LPP: variants seen among roughly 807,000 people sequenced by gnomAD.
LPP encodes the protein lipoma-preferred partner.
In LPP, 38 loss-of-function variants were observed where a neutral mutation model predicts 60.4. That is an observed-to-expected ratio of 0.63 (90% CI 0.49 to 0.83). The LOEUF (loss-of-function observed/expected upper bound fraction) is 0.83, where lower values mean the gene tolerates loss of function less well. Ranked by LOEUF, LPP falls within the 40% of genes least tolerant of loss-of-function variation. The probability of loss-of-function intolerance (pLI) is 0.00; values close to 1 mark genes in which losing one functional copy is unlikely to be tolerated. For missense variants in LPP, 902 were observed against 783.6 expected (o/e 1.15, Z -1.80); for synonymous variants, 328 against 290.8 (o/e 1.13, Z -1.30).
At chr3:188,829,606 G>A (rs1336939650) in intron 9 of LPP, among the ~76,000 whole-genome samples, 2 of 152,152 alleles carry the variant, frequency 1.3e-5, no homozygotes, top group South Asian at 4.1e-4. Context: ...TACTAATAAG[G>A]AATCAGAAGC....
At chr3:188,736,527 C>A (rs902747457) in intron 8 of LPP, among the ~76,000 whole-genome samples, 2 of 151,996 alleles carry the variant, frequency 1.3e-5, no homozygotes, top group Non-Finnish European at 1.5e-5. Context: ...GGAAAAGAAA[C>A]TACTGTCATT....
chr3:188,439,551 A>T (rs1335232063), intron 4 of LPP, among the ~76,000 whole-genome samples: 1 of 152,216 alleles, frequency 6.6e-6, no homozygotes, highest in East Asian at 1.9e-4. Context: ...TGGCACTCAG[A>T]TTTGCAAAGT....
intron 7 of LPP, among the ~76,000 whole-genome samples, chr3:188,691,434 T>A (rs1377947586): frequency 6.6e-6 from 1 of 152,188 alleles, no homozygotes; most frequent in African/African-American, 2.4e-5. Context: ...ATGAAATACA[T>A]CTGAAGCATT....
chr3:188,852,388 A>G (rs1221451938), intron 9 of LPP, among the ~76,000 whole-genome samples: 1 of 152,134 alleles, frequency 6.6e-6, no homozygotes, highest in Non-Finnish European at 1.5e-5. Context: ...AACTTCTTAC[A>G]TGGTAACTGC....
chr3:188,566,827 G>T (rs1832287390), intron 6 of LPP, among the ~76,000 whole-genome samples: 1 of 151,650 alleles, frequency 6.6e-6, no homozygotes. Context: ...GGTGGAGAAG[G>T]GGAGTAAGGA....
At chr3:188,728,240 A>G (rs962588533) in intron 8 of LPP, among the ~76,000 whole-genome samples, 1 of 152,224 alleles carries the variant, frequency 6.6e-6, no homozygotes, top group Non-Finnish European at 1.5e-5. Flanking sequence ...GAGATAACAA[A>G]AAAAGTTGAC....
At chr3:188,487,076 A>C (rs1806763197) in intron 5 of LPP, among the ~76,000 whole-genome samples, 1 of 152,170 alleles carries the variant, frequency 6.6e-6, no homozygotes, top group African/African-American at 2.4e-5. Flanking sequence ...TTTAGTTCTC[A>C]CAATGTTATT....
At chr3:188,300,181 T>A (rs1419778077) in intron 2 of LPP, among the ~76,000 whole-genome samples, 1 of 152,206 alleles carries the variant, frequency 6.6e-6, no homozygotes, top group Non-Finnish European at 1.5e-5. Context: ...TCTCTTTTTT[T>A]AAGAAGGGTT....
At chr3:188,822,927 T>C (rs1013064675) in intron 9 of LPP, among the ~76,000 whole-genome samples, 8 of 152,296 alleles carry the variant, frequency 5.3e-5, no homozygotes, top group African/African-American at 1.7e-4. Context: ...GTTTATTCTT[T>C]TTTAATACAG....
rs116220445 is a variant in LPP at position 188,462,470 on chromosome 3, A to G, written c.194-22122A>G. 8.7e-3 allele frequency among the ~76,000 whole-genome samples: 1,277 copies of G among 146,986 alleles called. 7 individuals are homozygous for G. The highest frequency in any genetic ancestry group is 0.021 in the Middle Eastern group (6 of 282). ...TAGCCAATTTATATGAGCTTCATAT[A>G]TAGCATATGTGTGTGTTACCTTCCT... On this transcript the variant is annotated intron_variant, in intron 4 of 11. Coordinates refer to ENST00000617246, the MANE Select transcript of LPP (RefSeq NM_001375462.1).
chr3:188,476,651 A>C (rs6444297), intron 4 of LPP, among the ~76,000 whole-genome samples: 83,751 of 151,944 alleles, frequency 0.55, 23,507 homozygotes, highest in Middle Eastern at 0.68. Flanking sequence ...CCTTTTAATT[A>C]ATTTGTTAGC....
At chr3:188,810,004 A>G (rs1226355304) in intron 9 of LPP, among the ~76,000 whole-genome samples, 1 of 152,022 alleles carries the variant, frequency 6.6e-6, no homozygotes, top group Admixed American at 6.6e-5. Flanking sequence ...TGTGTGGTGT[A>G]AATTCTGAGG....
intron 2 of LPP, among the ~76,000 whole-genome samples, chr3:188,318,420 A>AC (rs66617328): frequency 0.14 from 21,114 of 149,288 alleles, 1,758 homozygotes; most frequent in East Asian, 0.34. Flanking sequence ...CAAAAAAACA[A>AC]AAAAAAAAAA....
intron 3 of LPP, among the ~76,000 whole-genome samples, chr3:188,368,179 C>A (rs1290908462): frequency 2.0e-5 from 3 of 152,176 alleles, no homozygotes; most frequent in Admixed American, 1.3e-4. Context: ...TGAATTAGCA[C>A]TTTAACTCAG....
intron 5 of LPP, among the ~76,000 whole-genome samples, chr3:188,524,109 G>A (rs1819785278): frequency 6.6e-6 from 1 of 152,128 alleles, no homozygotes; most frequent in African/African-American, 2.4e-5. Flanking sequence ...ACCCTAAGAG[G>A]TCTCTTTCCA....
chr3:188,516,502 T>C (rs952764390), intron 5 of LPP, among the ~76,000 whole-genome samples: 8 of 151,996 alleles, frequency 5.3e-5, no homozygotes, highest in African/African-American at 1.9e-4. Context: ...TGTCAATTGG[T>C]ATTTTCATGG....
chr3:188,825,251 C>T (rs979777219), intron 9 of LPP, among the ~76,000 whole-genome samples: 1 of 85,830 alleles, frequency 1.2e-5, no homozygotes, highest in African/African-American at 5.5e-5. Context: ...CTTTCTTTCT[C>T]TCTCTCTCTC....
In LPP at chr3:188,344,631, T is replaced by C. The variant is rs149593488; in HGVS notation, c.-10+2912T>C. On this transcript the variant is annotated intron_variant, in intron 3 of 11. Transcript: ENST00000617246. ...TCCTGGTGCCATGTTTCCAAAATCA[T>C]AGGACAGTCCTATGACTCTACTGCA... Among the ~76,000 whole-genome samples, 6 of 152,342 alleles carry C rather than the reference T, an allele frequency of 3.9e-5. No individual in the cohort carries two copies. The East Asian group carries it at 9.6e-4, about 24-fold the overall frequency.
chr3:188,481,599 C>T (rs1425511788), intron 4 of LPP, among the ~76,000 whole-genome samples: 3 of 152,168 alleles, frequency 2.0e-5, no homozygotes, highest in East Asian at 1.9e-4. Flanking sequence ...TTGGAAGGGA[C>T]AGACAGTTGT....
Sources: allele counts gnomAD v4.1 joint callset (sites outside exome capture counted in the v4.1 genomes callset), GRCh38; gene constraint gnomAD v4.1.1; transcripts MANE v1.5; gene names NCBI Gene and HGNC (gene_info 2026-07-23, HGNC 2026-07-21).